Variants in RETREG3 observed in about 807,000 individuals in gnomAD.
The protein encoded by RETREG3 is reticulophagy regulator 3.
A neutral mutation model predicts 50.2 loss-of-function variants in RETREG3; 23 were observed. The observed-to-expected ratio is 0.46, with a 90% CI of 0.33 to 0.65. RETREG3 has a LOEUF of 0.65. Among genes scored for constraint, RETREG3 ranks in the 30% least tolerant of loss-of-function variants. The pLI, the probability that RETREG3 is intolerant of heterozygous loss-of-function variation, is 0.02. For missense variants in RETREG3, 546 were observed against 598.0 expected (o/e 0.91, Z 0.91); for synonymous variants, 240 against 234.4 (o/e 1.02, Z -0.22).
chr17:42,604,117 C>T (rs2093163355), intron 1 of RETREG3, among the ~76,000 whole-genome samples: 1 of 151,948 alleles, frequency 6.6e-6, no homozygotes, highest in African/African-American at 2.4e-5. Context: ...CTCAGAATTG[C>T]TGTATATCCT....
chr17:42,609,354 C>A lies in RETREG3; in HGVS notation c.-30G>T, dbSNP rs201011101. The A allele has an allele frequency of 7.6e-6, 12 of 1,578,004 alleles. No individual in the cohort carries two copies. Among genetic ancestry groups the A allele is most frequent in the Non-Finnish European group, 1.0e-5 (12 of 1,167,374 alleles). On this transcript the variant is annotated 5_prime_UTR_variant, in exon 1 of 9. Transcript: ENST00000309428. The stretch of plus-strand genomic sequence containing the variant: ...CCGCGGCAGCCACAACATCCGGGGC[C>A]GTGGCCCGACAAGTCACAATAACAG...
At chr17:42,597,667 T>C (rs2093150349) in intron 1 of RETREG3, among the ~76,000 whole-genome samples, 1 of 116,558 alleles carries the variant, frequency 8.6e-6, no homozygotes, top group Admixed American at 1.1e-4. Context: ...TCTCACTCTG[T>C]CACCCAGGCT....
intron 1 of RETREG3, among the ~76,000 whole-genome samples, chr17:42,603,509 G>C (rs2143426631): frequency 6.6e-6 from 1 of 152,270 alleles, no homozygotes; most frequent in South Asian, 2.1e-4. Flanking sequence ...AAATCAGCTA[G>C]CTGCTAACAG....
At position 42,581,895 on chromosome 17, in the gene RETREG3, G is replaced by C; in HGVS notation, c.1319C>G (p.Thr440Ser). The C allele has an allele frequency of 1.2e-6, 2 of 1,614,108 alleles. No individual in the cohort carries two copies. The highest frequency in any genetic ancestry group is 1.7e-6 in the Non-Finnish European group (2 of 1,179,960). ...TTCAAAGTCATCCCCCTCAGCATCA[G>C]TGTCCAGGTCTGAACTGGGGGACCG... Reference protein sequence around the residue: ...FLRSPSSDLDTDAEGDDFELL... With the variant: ...FLRSPSSDLDSDAEGDDFELL... The change falls in exon 9 of 9, where the codon ACT becomes AGT. Residue 440 changes from threonine (T) to serine (S), a missense_variant. Thr to Ser is a moderately conservative substitution (Grantham distance 58). Coordinates refer to ENST00000309428, the MANE Select transcript of RETREG3 (RefSeq NM_178126.4).
chr17:42,581,836 G>A lies in RETREG3; in HGVS notation c.1378C>T (p.Pro460Ser). Residue 460 changes from proline (P) to serine (S), a missense_variant, in exon 9 of 9, where the codon CCT (proline) becomes TCT (serine). Coordinates refer to ENST00000309428, the MANE Select transcript of RETREG3 (RefSeq NM_178126.4). ...CCTCAGTGGCTCCTAGAACTGGCAG[G>A]GTCCAGCTGACTCAGCTCCGACTGG... ...LDQSELSQLD[P>S]ASSRSH 6.3e-7 allele frequency: 1 copy of A among 1,593,504 alleles called. No individual in the cohort carries two copies. Among genetic ancestry groups the A allele is most frequent in the Non-Finnish European group, 8.6e-7 (1 of 1,167,750 alleles).
intron 1 of RETREG3, among the ~76,000 whole-genome samples, chr17:42,604,338 C>T (rs79830296): frequency 3.3e-5 from 5 of 152,036 alleles, no homozygotes; most frequent in Non-Finnish European, 5.9e-5. Context: ...AAACAATATT[C>T]CTAATTCATA....
rs3067882 is a variant in RETREG3, at chr17:42,581,048, A to AAAAAAAGAAAAGAAAAG, written c.*764_*765insCTTTTCTTTTCTTTTTT. The AAAAAAAGAAAAGAAAAG allele has an allele frequency of 8.5e-5, 10 of 117,928 alleles. No individual in the cohort carries two copies. The highest frequency in any genetic ancestry group is 3.0e-4 in the African/African-American group (9 of 30,292). The allele number at this position is 117,928 out of a possible 1,614,324, so 7.3% of individuals were successfully genotyped here. On this transcript the variant is annotated 3_prime_UTR_variant, in exon 9 of 9. Transcript: ENST00000309428. ...AGAGAGACTCTGTCTCAAAAAAAAA[A>AAAAAAAGAAAAGAAAAG]AAAAGAAAAGAAAAGAAAAGAAAAA...
At chr17:42,605,830 A>G (rs1158407536) in intron 1 of RETREG3, among the ~76,000 whole-genome samples, 1 of 151,902 alleles carries the variant, frequency 6.6e-6, no homozygotes, top group East Asian at 1.9e-4. Flanking sequence ...CTGCCCTACA[A>G]AAATACAAAA....
At position 42,582,782 on chromosome 17, in the gene RETREG3, C is replaced by T. The variant is rs770627957; in HGVS notation, c.835G>A (p.Glu279Lys). The T allele has an allele frequency of 1.9e-6, 3 of 1,614,190 alleles. No individual in the cohort carries two copies. Among genetic ancestry groups the T allele is most frequent in the Non-Finnish European group, 2.5e-6 (3 of 1,180,034 alleles). ...TGCTCAGAGTCTGTGATGGCCAATT[C>T]CCTGGCAACAGTAGAATCGTCCAGC... is the stretch of plus-strand genomic sequence containing the variant. ...PQLDDSTVAR[E>K]LAITDSEHSD... Residue 279 changes from glutamate to lysine, a missense_variant, in exon 8 of 9, where the codon GAA (glutamate) becomes AAA (lysine). Physicochemically the swap from Glu to Lys is moderately conservative, Grantham distance 56. Transcript: ENST00000309428.
chr17:42,609,389 A>C (rs2093175733), upstream of RETREG3: 9 of 1,503,932 alleles, frequency 6.0e-6, no homozygotes, highest in South Asian at 2.5e-5. Context: ...GCAACTGCGC[A>C]GATGCGCGAT....
Position 42,581,589 on chromosome 17 carries a change from G to A in RETREG3, c.*224C>T, listed in dbSNP as rs943758193. 2 of 515,876 alleles carry A rather than the reference G, an allele frequency of 3.9e-6. No homozygotes were observed. The highest frequency in any genetic ancestry group is 6.8e-6 in the Non-Finnish European group (2 of 293,308). The allele number at this position is 515,876 out of a possible 1,614,324, so 32.0% of individuals were successfully genotyped here. A position where few individuals can be genotyped will look rare whatever the true frequency, so the allele number is the denominator to read the frequency against. Reference sequence around the variant, plus strand: ...CTGATGGAGAGAAGCCTCCCTTGGGGGAGCACACTCTCACTTCAGTGACTG... The same window carrying A: ...CTGATGGAGAGAAGCCTCCCTTGGGAGAGCACACTCTCACTTCAGTGACTG... On this transcript the variant is annotated 3_prime_UTR_variant, in exon 9 of 9. Coordinates refer to ENST00000309428, the MANE Select transcript of RETREG3 (RefSeq NM_178126.4).
At chr17:42,592,482 A>G (rs1304578040) in intron 1 of RETREG3, among the ~76,000 whole-genome samples, 1 of 152,224 alleles carries the variant, frequency 6.6e-6, no homozygotes, top group African/African-American at 2.4e-5. Flanking sequence ...ACAAGTTGTT[A>G]TAATGAAAGC....
rs575793893 is a variant in RETREG3 at position 42,580,623 on chromosome 17, T to C, written c.*1190A>G. The C allele has an allele frequency of 1.7e-4, 26 of 152,806 alleles. No individual in the cohort carries two copies. Among genetic ancestry groups the C allele is most frequent in the African/African-American group, 5.8e-4 (24 of 41,524 alleles). The allele number at this position is 152,806 out of a possible 1,614,324, so 9.5% of individuals were successfully genotyped here. Reference sequence around the variant, plus strand: ...GGCCCATCCCCACATCATATTCACATTTTTTAAATTTCACAAGCAATACTT... The same window carrying C: ...GGCCCATCCCCACATCATATTCACACTTTTTAAATTTCACAAGCAATACTT... On this transcript the variant is annotated 3_prime_UTR_variant, in exon 9 of 9. Transcript: ENST00000309428.
chr17:42,587,362 ATGGAG>A (rs2143382311), intron 3 of RETREG3, among the ~76,000 whole-genome samples: 1 of 152,332 alleles, frequency 6.6e-6, no homozygotes, highest in Non-Finnish European at 1.5e-5. Flanking sequence ...GATCAAACAA[ATGGAG>A]TGGATGAACT....
At chr17:42,590,950 G>C (rs879643444) in intron 2 of RETREG3, among the ~76,000 whole-genome samples, 1 of 152,180 alleles carries the variant, frequency 6.6e-6, no homozygotes, top group Non-Finnish European at 1.5e-5. Context: ...CTGGCCAACA[G>C]AGTGAGACTC....
At chr17:42,585,092 CG>C (rs748182770) in intron 6 of RETREG3, 32 bp downstream of exon 6, 16 of 1,605,426 alleles carry the variant, frequency 1.0e-5, no homozygotes, top group East Asian at 6.7e-5. Flanking sequence ...CCCCAAATTG[CG>C]TAAGTGGAAA....
intron 2 of RETREG3, among the ~76,000 whole-genome samples, chr17:42,590,436 C>G (rs8066475): frequency 0.49 from 74,342 of 151,844 alleles, 18,589 homozygotes; most frequent in South Asian, 0.64. Flanking sequence ...CTTTGGAAGG[C>G]TGAGGCGGGC....
chr17:42,606,821 ACTGTCT>A (rs1378743452), intron 1 of RETREG3, among the ~76,000 whole-genome samples: 5 of 151,330 alleles, frequency 3.3e-5, no homozygotes, highest in African/African-American at 1.2e-4. Context: ...ACCTGGCAAA[ACTGTCT>A]CTACAAAAAA....
intron 1 of RETREG3, chr17:42,596,425 C>A (rs1040560159): frequency 8.3e-6 from 1 of 120,338 alleles, no homozygotes; most frequent in East Asian, 2.7e-4. Context: ...TAGTTTTTTT[C>A]TTATTACACT....
Sources: gnomAD v4.1 joint callset for allele counts (sites outside exome capture counted in the v4.1 genomes callset) on GRCh38, gnomAD v4.1.1 for gene constraint, MANE v1.5 for transcripts, NCBI Gene and HGNC (gene_info 2026-07-23, HGNC 2026-07-21) for gene names.